Variants in LNP1 observed in about 807,000 individuals in gnomAD.
LNP1 encodes the protein leukemia NUP98 fusion partner 1.
LNP1 carries 12 observed loss-of-function variants against 14.5 expected under a neutral mutation model. That is an observed-to-expected ratio of 0.83 (90% CI 0.53 to 1.34). LNP1 has a LOEUF of 1.34. Among genes scored for constraint, LNP1 ranks in the 40% most tolerant of loss-of-function variants. The pLI is 0.00. For synonymous variants in LNP1, 75 were observed against 71.4 expected (o/e 1.05, Z -0.26); for missense variants, 198 against 210.9 (o/e 0.94, Z 0.38).
chr3:100,412,527 G>A lies in LNP1; in HGVS notation c.-34+10088G>A, dbSNP rs529979480. Among the ~76,000 whole-genome samples the A allele has an allele frequency of 2.6e-5, 4 of 152,146 alleles. No individual in the cohort carries two copies. The East Asian group carries it at 7.7e-4, about 29-fold the overall frequency. On this transcript the variant is annotated intron_variant, in intron 1 of 3. Coordinates refer to ENST00000383693, the MANE Select transcript of LNP1 (RefSeq NM_001085451.2). Reference sequence around the variant, plus strand: ...TAAACTCCCAGAATACTTTTTCTGGGACTTTCTCAAAATTTACTACTTTTC... The same window carrying A: ...TAAACTCCCAGAATACTTTTTCTGGAACTTTCTCAAAATTTACTACTTTTC...
At chr3:100,402,581 A>G (rs1376149790) in intron 1 of LNP1, 142 bp downstream of exon 1, 1 of 152,114 alleles carries the variant, frequency 6.6e-6, no homozygotes, top group Non-Finnish European at 1.5e-5. Context: ...CCAATCCCCA[A>G]AGGCAAATTT....
At chr3:100,448,961 G>A (rs999786663) in intron 2 of LNP1, among the ~76,000 whole-genome samples, 4 of 152,154 alleles carry the variant, frequency 2.6e-5, no homozygotes, top group African/African-American at 4.8e-5. Flanking sequence ...CATATTAAAG[G>A]AAACAACTCA....
chr3:100,422,871 C>G (rs893507958), intron 1 of LNP1, among the ~76,000 whole-genome samples: 3 of 121,194 alleles, frequency 2.5e-5, no homozygotes, highest in African/African-American at 9.6e-5. Context: ...TCTCATAATA[C>G]ATGCTTCACG....
intron 1 of LNP1, among the ~76,000 whole-genome samples, chr3:100,423,091 A>G (rs1352501819): frequency 6.6e-6 from 1 of 152,052 alleles, no homozygotes; most frequent in Admixed American, 6.5e-5. Flanking sequence ...AGAACATAGC[A>G]CACAGTTTCA....
intron 2 of LNP1, among the ~76,000 whole-genome samples, chr3:100,450,094 T>C (rs1010514024): frequency 1.6e-5 from 1 of 64,384 alleles, no homozygotes; most frequent in African/African-American, 5.7e-5. Flanking sequence ...TACCACTTTT[T>C]TTTTTTTTTT....
chr3:100,427,629 T>A (rs917636072), intron 1 of LNP1, among the ~76,000 whole-genome samples: 4 of 152,174 alleles, frequency 2.6e-5, no homozygotes, highest in African/African-American at 9.7e-5. Flanking sequence ...GTAGCTGTCA[T>A]CCCCAGTTTG....
intron 2 of LNP1, among the ~76,000 whole-genome samples, chr3:100,450,666 A>G (rs1707429282): frequency 6.6e-6 from 1 of 152,140 alleles, no homozygotes; most frequent in African/African-American, 2.4e-5. Flanking sequence ...TAGCCAAGAC[A>G]AACCCTAATT....
chr3:100,431,948 A>T (rs113520496), intron 2 of LNP1, among the ~76,000 whole-genome samples: 5,431 of 138,972 alleles, frequency 0.039, 415 homozygotes, highest in East Asian at 0.32. Flanking sequence ...TGAACGGTGA[A>T]CATGCCACTG....
Position 100,417,525 on chromosome 3 carries a change from G to A in LNP1, c.-33-12172G>A, listed in dbSNP as rs116565948. Among the ~76,000 whole-genome samples, 793 of 151,170 alleles carry A rather than the reference G, an allele frequency of 5.2e-3. 5 individuals carry two copies. Among genetic ancestry groups the A allele is most frequent in the Non-Finnish European group, 8.3e-3 (561 of 67,752 alleles). On this transcript the variant is annotated intron_variant, in intron 1 of 3. Coordinates refer to ENST00000383693, the MANE Select transcript of LNP1 (RefSeq NM_001085451.2). ...CAAGTAGCTGGGATTACAGGCCCAC[G>A]CCACCATGCCCTGCTAATTTTTTTT... is the stretch of plus-strand genomic sequence containing the variant.
rs982349999 is a variant in LNP1, at chr3:100,442,161, C to T, written c.157-9558C>T. On this transcript the variant is annotated intron_variant, in intron 2 of 3. Coordinates refer to ENST00000383693, the MANE Select transcript of LNP1 (RefSeq NM_001085451.2). Reference sequence around the variant, plus strand: ...TTTTACATATCAACTTAAGGCTTGGCGTCTTTTGTTTTAGTGTTCTAATGA... The same window carrying T: ...TTTTACATATCAACTTAAGGCTTGGTGTCTTTTGTTTTAGTGTTCTAATGA... 6.6e-5 allele frequency among the ~76,000 whole-genome samples: 10 copies of T among 152,134 alleles called. No individual in the cohort carries two copies. In the East Asian group the frequency reaches 9.6e-4, roughly 15 times the overall value.
chr3:100,452,792 AG>A (rs900747364), intron 3 of LNP1, among the ~76,000 whole-genome samples: 2 of 152,168 alleles, frequency 1.3e-5, no homozygotes, highest in African/African-American at 4.8e-5. Flanking sequence ...GACATGAAAT[AG>A]GGGGAAGAAT....
At chr3:100,409,679 C>G (rs1345139103) in intron 1 of LNP1, among the ~76,000 whole-genome samples, 1 of 149,660 alleles carries the variant, frequency 6.7e-6, no homozygotes, top group Non-Finnish European at 1.5e-5. Flanking sequence ...CTCACTGCAA[C>G]TTCCGCCTCC....
At chr3:100,436,930 GC>G (rs1559844847) in intron 2 of LNP1, among the ~76,000 whole-genome samples, 1 of 152,272 alleles carries the variant, frequency 6.6e-6, no homozygotes, top group East Asian at 1.9e-4. Context: ...ATTTAAAAAA[GC>G]AGTCATGTGA....
At chr3:100,416,354 A>C (rs944727725) in intron 1 of LNP1, among the ~76,000 whole-genome samples, 2 of 152,162 alleles carry the variant, frequency 1.3e-5, no homozygotes, top group Non-Finnish European at 2.9e-5. Flanking sequence ...TTCCAAGGTC[A>C]TTTTGTTTAT....
Position 100,429,741 on chromosome 3 carries a change from A to AGAT in LNP1, c.29_31dup (p.Asp10dup), listed in dbSNP as rs759484433. 7.1e-5 allele frequency: 115 copies of AGAT among 1,613,232 alleles called. No individual in the cohort carries two copies. Among genetic ancestry groups the AGAT allele is most frequent in the East Asian group, 5.8e-4 (26 of 44,864 alleles). On this transcript the variant is annotated inframe_insertion, in exon 2 of 4. Coordinates refer to ENST00000383693, the MANE Select transcript of LNP1 (RefSeq NM_001085451.2). ...GGCATCACCTTTACATGGAGCACAAAGATGATGATGATGATGATGTGTCTT... is the reference window on the plus strand; with the variant it reads ...GGCATCACCTTTACATGGAGCACAAAGATGATGATGATGATGATGATGTGTCTT...
At chr3:100,455,741 G>T (rs1480119442) in intron 3 of LNP1, 36 bp from the exon 4 acceptor site, 1 of 1,608,272 alleles carries the variant, frequency 6.2e-7, no homozygotes, top group Admixed American at 1.7e-5. Context: ...TCAGCTGCTT[G>T]TGCATTTTTA....
intron 2 of LNP1, among the ~76,000 whole-genome samples, chr3:100,432,142 T>TTC (rs2148904045): frequency 7.2e-6 from 1 of 139,690 alleles, no homozygotes; most frequent in East Asian, 4.1e-4. Context: ...ACTCTTATCC[T>TTC]TACTTTTTTT....
intron 3 of LNP1, among the ~76,000 whole-genome samples, chr3:100,454,685 C>T (rs1707492412): frequency 6.6e-6 from 1 of 152,154 alleles, no homozygotes; most frequent in African/African-American, 2.4e-5. Flanking sequence ...TATTTACAAG[C>T]ATTTCTCAGA....
chr3:100,417,625 C>T (rs1007836533), intron 1 of LNP1, among the ~76,000 whole-genome samples: 3 of 151,994 alleles, frequency 2.0e-5, no homozygotes, highest in Non-Finnish European at 1.5e-5. Context: ...ATGATCCACC[C>T]ACCTTGGCCC....
Sources: allele counts gnomAD v4.1 joint callset (sites outside exome capture counted in the v4.1 genomes callset), GRCh38; gene constraint gnomAD v4.1.1; transcripts MANE v1.5; gene names NCBI Gene and HGNC (gene_info 2026-07-23, HGNC 2026-07-21).